Variants in CPVL observed in about 807,000 individuals in gnomAD.
The protein encoded by CPVL is probable serine carboxypeptidase CPVL.
In CPVL, 51 loss-of-function variants were observed where a neutral mutation model predicts 63.7. The observed-to-expected ratio is 0.80, with a 90% CI of 0.64 to 1.01. CPVL has a LOEUF of 1.01. Among genes scored for constraint, CPVL ranks in the 50% least tolerant of loss-of-function variants. The pLI, the probability that CPVL is intolerant of heterozygous loss-of-function variation, is 0.00. For missense variants in CPVL, 530 were observed against 573.1 expected (o/e 0.92, Z 0.77); for synonymous variants, 195 against 206.0 (o/e 0.95, Z 0.46).
chr7:29,164,305 G>A (rs918256440), intron 5 of CPVL, among the ~76,000 whole-genome samples: 3 of 152,162 alleles, frequency 2.0e-5, no homozygotes, highest in Middle Eastern at 3.4e-3. Context: ...TTTGTAAAAT[G>A]TCTATTTGAT....
chr7:29,040,094 T>G (rs10464334), intron 11 of CPVL, among the ~76,000 whole-genome samples: 1 of 152,232 alleles, frequency 6.6e-6, no homozygotes, highest in East Asian at 1.9e-4. Context: ...AATTCTTTTT[T>G]AAGGGAATTT....
At chr7:29,052,147 T>C (rs73099714) in intron 11 of CPVL, among the ~76,000 whole-genome samples, 15,668 of 151,416 alleles carry the variant, frequency 0.1, 919 homozygotes, top group Middle Eastern at 0.17. Context: ...TGGGGGAAGA[T>C]GGGAGGGTGG....
chr7:29,033,989 C>T (rs1011784273), intron 11 of CPVL, among the ~76,000 whole-genome samples: 21 of 152,190 alleles, frequency 1.4e-4, no homozygotes, highest in African/African-American at 4.6e-4. Flanking sequence ...ATGCTTCAAA[C>T]CTGGGGAAAG....
At chr7:29,043,018 G>GT (rs1169253389) in intron 11 of CPVL, among the ~76,000 whole-genome samples, 1 of 152,144 alleles carries the variant, frequency 6.6e-6, no homozygotes, top group East Asian at 1.9e-4. Context: ...TTGAATAAAG[G>GT]TTACTTTGCC....
chr7:29,005,308 T>C (rs1465281198), intron 12 of CPVL, among the ~76,000 whole-genome samples: 2 of 152,190 alleles, frequency 1.3e-5, no homozygotes, highest in Non-Finnish European at 2.9e-5. Context: ...CAGAGTATTT[T>C]TTTCCCTTTA....
chr7:29,094,880 G>C (rs1276986744), intron 5 of CPVL, among the ~76,000 whole-genome samples: 2 of 151,596 alleles, frequency 1.3e-5, no homozygotes, highest in Non-Finnish European at 2.9e-5. Flanking sequence ...ATGAGAGAAG[G>C]CAGCAAGGAA....
chr7:29,050,492 A>G (rs1181004461), intron 11 of CPVL, among the ~76,000 whole-genome samples: 1 of 152,164 alleles, frequency 6.6e-6, no homozygotes, highest in African/African-American at 2.4e-5. Context: ...ATTTTGGTGG[A>G]ATTGTAAAAT....
At chr7:29,025,275 A>C (rs552590642) in intron 12 of CPVL, among the ~76,000 whole-genome samples, 47 of 152,314 alleles carry the variant, frequency 3.1e-4, no homozygotes, top group Middle Eastern at 3.4e-3. Context: ...CAAGTATGGC[A>C]CCAACATTTG....
chr7:29,092,565 A>G lies in CPVL; in HGVS notation c.542+58T>C, dbSNP rs970954362. ...ATTCCAACACTAGAATAATTTTCCT[A>G]TTGAGATAGAAAAATGTTTGGTCTT... On this transcript the variant is annotated intron_variant, in intron 6 of 12. Coordinates refer to ENST00000265394, the MANE Select transcript of CPVL (RefSeq NM_031311.5). 8 of 1,183,722 alleles carry G rather than the reference A, an allele frequency of 6.8e-6. No homozygotes were observed. The African/African-American group carries it at 9.1e-5, about 13-fold the overall frequency. 73.3% of individuals were successfully genotyped at this position (1,183,722 alleles called of 1,614,324 possible).
intron 5 of CPVL, among the ~76,000 whole-genome samples, chr7:29,166,193 GT>G (rs563442024): frequency 1.3e-5 from 2 of 151,302 alleles, no homozygotes; most frequent in African/African-American, 4.9e-5. Context: ...ACCACATCCA[GT>G]TTTTTTTTGT....
At chr7:29,111,103 T>C (rs758535660) in intron 3 of CPVL, among the ~76,000 whole-genome samples, 4 of 152,224 alleles carry the variant, frequency 2.6e-5, no homozygotes, top group Non-Finnish European at 5.9e-5. Context: ...TGAAATAAAA[T>C]GTGCGTTGTT....
chr7:29,179,578 A>G (rs903514472), intron 5 of CPVL, among the ~76,000 whole-genome samples: 4 of 152,230 alleles, frequency 2.6e-5, no homozygotes, highest in African/African-American at 9.7e-5. Context: ...GGCAGATGTT[A>G]GTAACACAAA....
At chr7:29,104,364 G>A (rs1437363034) in intron 3 of CPVL, among the ~76,000 whole-genome samples, 1 of 152,138 alleles carries the variant, frequency 6.6e-6, no homozygotes, top group Non-Finnish European at 1.5e-5. Context: ...CAGTGCAAGC[G>A]ATTCTCCTGC....
At chr7:29,084,990 AAAT>A (rs1785070913) in intron 7 of CPVL, among the ~76,000 whole-genome samples, 1 of 152,224 alleles carries the variant, frequency 6.6e-6, no homozygotes, top group African/African-American at 2.4e-5. Flanking sequence ...AGGGGTAAAA[AAAT>A]ACAGAACAGA....
In CPVL at chr7:29,130,707, T is replaced by A. The variant is rs375869592; in HGVS notation, c.-10-9636A>T. Among the ~76,000 whole-genome samples, 53 of 152,344 alleles carry A rather than the reference T, an allele frequency of 3.5e-4. No homozygotes were observed. The East Asian group carries it at 9.8e-3, about 28-fold the overall frequency. ...TATCTAGGTGATGTCAAAGTCCACG[T>A]ATTTTCCATATACCACTATATAAAC... On this transcript the variant is annotated intron_variant, in intron 1 of 12. Coordinates refer to ENST00000265394, the MANE Select transcript of CPVL (RefSeq NM_031311.5).
chr7:29,161,951 G>A (rs559250047), intron 5 of CPVL, among the ~76,000 whole-genome samples: 5 of 152,166 alleles, frequency 3.3e-5, no homozygotes, highest in Non-Finnish European at 7.4e-5. Context: ...TCAGGGGAAT[G>A]TAAGTTAAAA....
intron 3 of CPVL, among the ~76,000 whole-genome samples, chr7:29,185,258 G>C (rs1017085315): frequency 6.6e-6 from 1 of 152,152 alleles, no homozygotes; most frequent in Non-Finnish European, 1.5e-5. Flanking sequence ...TGTTCTTGTG[G>C]GAGTGACCCT....
At chr7:29,176,143 G>A (rs569381402) in intron 5 of CPVL, among the ~76,000 whole-genome samples, 10 of 151,620 alleles carry the variant, frequency 6.6e-5, no homozygotes, top group East Asian at 3.9e-4. Flanking sequence ...CCAAGATCGC[G>A]CCACTGCACT....
At chr7:29,137,100 C>G (rs1791301884) in intron 1 of CPVL, among the ~76,000 whole-genome samples, 1 of 152,212 alleles carries the variant, frequency 6.6e-6, no homozygotes, top group African/African-American at 2.4e-5. Context: ...CCCTCATGTG[C>G]TGCTGTCTCT....
Sources: gnomAD v4.1 joint callset for allele counts (sites outside exome capture counted in the v4.1 genomes callset) on GRCh38, gnomAD v4.1.1 for gene constraint, MANE v1.5 for transcripts, NCBI Gene and HGNC (gene_info 2026-07-23, HGNC 2026-07-21) for gene names.